The following ASTN2 variants were observed in gnomAD, a reference collection of about 807,000 sequenced individuals.
ASTN2 encodes the protein astrotactin 2, also known as astrotactin-2.
ASTN2 carries 54 observed loss-of-function variants against 139.8 expected under a neutral mutation model. The ratio of observed to expected loss-of-function variants is 0.39; its 90% confidence interval spans 0.31 to 0.48. The LOEUF is 0.48. Among genes scored for constraint, ASTN2 ranks in the 20% least tolerant of loss-of-function variants. ASTN2 has a pLI of 0.95. For synonymous variants in ASTN2, 756 were observed against 719.5 expected (o/e 1.05, Z -0.81); for missense variants, 1,565 against 1,725.1 (o/e 0.91, Z 1.64).
rs550794735 is a variant in ASTN2 at position 117,096,055 on chromosome 9, C to A, written c.1265G>T (p.Arg422Leu). Reference sequence around the variant, plus strand: ...AAGGACACTATTACCTTTGCTGCGGCGGCGACTGCGGTACTGCTCCGTGTA... The same window carrying A: ...AAGGACACTATTACCTTTGCTGCGGAGGCGACTGCGGTACTGCTCCGTGTA... ...TFYTEQYRSR[R>L]RSKGLLKSPV... Residue 422 changes from arginine (R) to leucine (L), a missense_variant, in exon 5 of 23, where the codon CGC becomes CTC. Arg to Leu is a moderately radical substitution (Grantham distance 102). This residue lies in a region of ASTN2 where 596 missense variants were observed against 576.8 expected (regional missense o/e 1.03). Coordinates refer to ENST00000313400, the MANE Select transcript of ASTN2 (RefSeq NM_001365068.1). 6.2e-7 allele frequency: 1 copy of A among 1,613,898 alleles called. No individual in the cohort carries two copies. Among genetic ancestry groups the A allele is most frequent in the East Asian group, 2.2e-5 (1 of 44,854 alleles).
intron 20 of ASTN2, among the ~76,000 whole-genome samples, chr9:116,482,199 G>A (rs7029705): frequency 0.022 from 3,418 of 152,112 alleles, 143 homozygotes; most frequent in African/African-American, 0.079. Context: ...GGTGGCAGGC[G>A]CCTGTAGTCC....
intron 10 of ASTN2, among the ~76,000 whole-genome samples, chr9:116,877,392 A>C (rs1282235994): frequency 1.3e-5 from 2 of 152,220 alleles, no homozygotes; most frequent in African/African-American, 4.8e-5. Context: ...TAACTGCCTT[A>C]ATATCAATAT....
intron 2 of ASTN2, among the ~76,000 whole-genome samples, chr9:117,271,970 C>A (rs2133126302): frequency 6.6e-6 from 1 of 152,240 alleles, no homozygotes; most frequent in East Asian, 1.9e-4. Context: ...AGGATGGTGG[C>A]CCTCTTCTCA....
At chr9:116,905,469 G>C (rs185515883) in intron 10 of ASTN2, among the ~76,000 whole-genome samples, 4 of 152,168 alleles carry the variant, frequency 2.6e-5, no homozygotes, top group Middle Eastern at 6.8e-3. Flanking sequence ...CTACCCTTTC[G>C]TTAGTATAGA....
At chr9:116,597,814 C>T (rs1322530829) in intron 19 of ASTN2, among the ~76,000 whole-genome samples, 2 of 152,056 alleles carry the variant, frequency 1.3e-5, no homozygotes, top group African/African-American at 4.8e-5. Flanking sequence ...TCTAAGAAGC[C>T]TTTGGAATCT....
chr9:116,538,840 C>A (rs1226081243), intron 19 of ASTN2, among the ~76,000 whole-genome samples: 1 of 145,652 alleles, frequency 6.9e-6, no homozygotes, highest in Non-Finnish European at 1.5e-5. Flanking sequence ...CAATCCTTAA[C>A]ATTTCAGGCC....
At chr9:116,590,537 T>C (rs1588046041) in intron 19 of ASTN2, among the ~76,000 whole-genome samples, 1 of 152,174 alleles carries the variant, frequency 6.6e-6, no homozygotes, top group South Asian at 2.1e-4. Flanking sequence ...GGATGGCAGG[T>C]TGACGGCAGC....
At chr9:116,475,204 A>G (rs1848940256) in intron 20 of ASTN2, among the ~76,000 whole-genome samples, 1 of 152,166 alleles carries the variant, frequency 6.6e-6, no homozygotes, top group African/African-American at 2.4e-5. Context: ...GGCTTGGAAG[A>G]TGTATTAACA....
rs1360952375 is a variant in ASTN2 at position 117,214,582 on chromosome 9, G to C, written c.791C>G (p.Ala264Gly). Residue 264 changes from alanine (A) to glycine (G), a missense_variant, in exon 3 of 23, where the codon GCG becomes GGG. This residue lies in a region of ASTN2 where 596 missense variants were observed against 576.8 expected (regional missense o/e 1.03). Coordinates refer to ENST00000313400, the MANE Select transcript of ASTN2 (RefSeq NM_001365068.1). ...CCGGGATGAACGGAAGCTCTCCCGC[G>C]CCTGGGGACCCAGCAGCACAGATGG... ...YIPSVLLGPQ[A>G]RESFRSSRLQ... The C allele has an allele frequency of 5.6e-6, 9 of 1,608,686 alleles. No homozygotes were observed. The highest frequency in any genetic ancestry group is 4.0e-5 in the African/African-American group (3 of 74,976).
At chr9:117,346,010 C>CAAAAAAAAAAAAAAAAA (rs35773511) in intron 1 of ASTN2, among the ~76,000 whole-genome samples, 8 of 92,344 alleles carry the variant, frequency 8.7e-5, no homozygotes, top group East Asian at 7.9e-4. Context: ...AACTAAGAGG[C>CAAAAAAAAAAAAAAAAA]AAAAAAAAAA....
chr9:116,765,294 G>A (rs1829780066), intron 13 of ASTN2, among the ~76,000 whole-genome samples: 1 of 152,020 alleles, frequency 6.6e-6, no homozygotes, highest in South Asian at 2.1e-4. Flanking sequence ...ACAGTTCCTG[G>A]CCCCAGAGTC....
rs114818938 is a variant in ASTN2 at position 117,315,669 on chromosome 9, C to T, written c.443-24156G>A. On this transcript the variant is annotated intron_variant, in intron 1 of 22. Transcript: ENST00000313400. ...GTTGTGCAATTGGTTTTCTTTGGAC[C>T]CATGAGCAGAACTTTTCATTATGTT... 9.7e-3 allele frequency among the ~76,000 whole-genome samples: 1,482 copies of T among 152,240 alleles called. 27 individuals carry two copies. The highest frequency in any genetic ancestry group is 0.033 in the African/African-American group (1,374 of 41,538).
chr9:117,199,320 G>A (rs1831621403), intron 3 of ASTN2, among the ~76,000 whole-genome samples: 2 of 152,158 alleles, frequency 1.3e-5, no homozygotes, highest in African/African-American at 4.8e-5. Flanking sequence ...AAGGTGTAAG[G>A]AAGGGGTCCA....
At chr9:116,582,888 T>A (rs904665915) in intron 19 of ASTN2, 1 of 152,260 alleles carries the variant, frequency 6.6e-6, no homozygotes, top group Non-Finnish European at 1.5e-5. Context: ...CCCTCTGAGA[T>A]CTGGTCCCTG....
At position 117,316,715 on chromosome 9, in the gene ASTN2, C is replaced by T. The variant is rs191427842; in HGVS notation, c.443-25202G>A. 4.2e-4 allele frequency among the ~76,000 whole-genome samples: 64 copies of T among 152,284 alleles called. No homozygotes were observed. In the East Asian group the frequency reaches 0.012, roughly 29 times the overall value. On this transcript the variant is annotated intron_variant, in intron 1 of 22. Transcript: ENST00000313400. ...CCTTAAAATCAGCACAATGCTGGGC[C>T]TCCCCATTTCAGGTTTCCATATGGG...
chr9:116,900,723 C>G (rs1328883456), intron 10 of ASTN2, among the ~76,000 whole-genome samples: 1 of 152,134 alleles, frequency 6.6e-6, no homozygotes, highest in Non-Finnish European at 1.5e-5. Flanking sequence ...ATCACCTCAC[C>G]TGCTTCCTCC....
At chr9:116,677,051 T>A (rs942216189) in intron 16 of ASTN2, among the ~76,000 whole-genome samples, 2 of 152,236 alleles carry the variant, frequency 1.3e-5, no homozygotes, top group Non-Finnish European at 2.9e-5. Context: ...TGATTTTTTT[T>A]AAAGAGCACT....
intron 3 of ASTN2, among the ~76,000 whole-genome samples, chr9:117,179,109 C>T (rs547318674): frequency 6.6e-6 from 1 of 152,100 alleles, no homozygotes; most frequent in Non-Finnish European, 1.5e-5. Context: ...ATGTATTCAG[C>T]CAATATGTAT....
chr9:116,774,493 A>G lies in ASTN2; in HGVS notation c.2396+31139T>C, dbSNP rs147454655. On this transcript the variant is annotated intron_variant, in intron 13 of 22. Transcript: ENST00000313400. Reference sequence around the variant, plus strand: ...TTATATACCTTCTGTGGTGCTAGGTACAATGCTAGGAGCTTTTTTTGCATT... The same window carrying G: ...TTATATACCTTCTGTGGTGCTAGGTGCAATGCTAGGAGCTTTTTTTGCATT... Among the ~76,000 whole-genome samples, 417 of 152,304 alleles carry G rather than the reference A, an allele frequency of 2.7e-3. 3 individuals carry two copies. The highest frequency in any genetic ancestry group is 9.8e-3 in the African/African-American group (407 of 41,562).
Sources: gnomAD v4.1 joint callset for allele counts (sites outside exome capture counted in the v4.1 genomes callset) on GRCh38, gnomAD v4.1.1 for gene constraint, gnomAD v4.1.1 regional missense constraint, MANE v1.5 for transcripts, NCBI Gene and HGNC (gene_info 2026-07-23, HGNC 2026-07-21) for gene names.